Variants in HECA observed in about 807,000 individuals in gnomAD.
HECA encodes the protein HECA ribonucleoprotein granule regulator.
Under a neutral mutation model 37.6 loss-of-function variants are expected in HECA, and 13 were observed. That is an observed-to-expected ratio of 0.35 (90% confidence interval 0.23 to 0.55). HECA has a LOEUF of 0.55. Among genes scored for constraint, HECA ranks in the 20% least tolerant of loss-of-function variants. The probability of loss-of-function intolerance (pLI) is 0.90; values close to 1 mark genes in which losing one functional copy is unlikely to be tolerated. For synonymous variants in HECA, 307 were observed against 291.5 expected, an observed-to-expected ratio of 1.05 and a Z score of -0.54; for missense variants, 527 against 701.9, an observed-to-expected ratio of 0.75 and a Z score of 2.82.
chr6:139,140,998 G>A (rs1022704631), intron 1 of HECA, among the ~76,000 whole-genome samples: 24 of 152,180 alleles, frequency 1.6e-4, no homozygotes, highest in Admixed American at 1.6e-3. Flanking sequence ...CTCCGTGTTA[G>A]CCAGGATGGT....
chr6:139,158,277 C>A (rs1774745301), intron 1 of HECA, among the ~76,000 whole-genome samples: 1 of 151,828 alleles, frequency 6.6e-6, no homozygotes, highest in African/African-American at 2.4e-5. Context: ...CCGAGGCGGG[C>A]AGATCACGAG....
chr6:139,137,912 G>A (rs1562241551), intron 1 of HECA, among the ~76,000 whole-genome samples: 1 of 152,068 alleles, frequency 6.6e-6, no homozygotes, highest in Non-Finnish European at 1.5e-5. Context: ...AAAGGAATGG[G>A]CCAACATTCC....
intron 1 of HECA, among the ~76,000 whole-genome samples, chr6:139,141,687 T>C (rs1018591953): frequency 6.6e-6 from 1 of 152,036 alleles, no homozygotes; most frequent in Non-Finnish European, 1.5e-5. Flanking sequence ...GATGAACTTG[T>C]TCCTTCAAGC....
intron 1 of HECA, among the ~76,000 whole-genome samples, chr6:139,140,992 G>A (rs1014373847): frequency 1.2e-4 from 19 of 152,232 alleles, no homozygotes; most frequent in African/African-American, 4.6e-4. Flanking sequence ...GGGTTTCTCC[G>A]TGTTAGCCAG....
rs116523936 is a variant in HECA at position 139,140,493 on chromosome 6, T to C, written c.271+4826T>C. 5.4e-3 allele frequency among the ~76,000 whole-genome samples: 820 copies of C among 152,338 alleles called. 10 individuals carry two copies. Among genetic ancestry groups the C allele is most frequent in the African/African-American group, 0.019 (794 of 41,586 alleles). ...GAAGAGCTCTTCTGTGCGCCGTTCA[T>C]GGTGCTCTATGCGCAGTCTCGTCTT... is the stretch of plus-strand genomic sequence containing the variant. On this transcript the variant is annotated intron_variant, in intron 1 of 3. Coordinates refer to ENST00000367658, the MANE Select transcript of HECA (RefSeq NM_016217.3).
intron 1 of HECA, among the ~76,000 whole-genome samples, chr6:139,160,889 A>T (rs1774790311): frequency 6.6e-6 from 1 of 152,236 alleles, no homozygotes; most frequent in African/African-American, 2.4e-5. Context: ...TTTCATGTAC[A>T]TGAGCTGAAT....
intron 1 of HECA, among the ~76,000 whole-genome samples, chr6:139,159,684 T>C (rs1052154215): frequency 6.6e-6 from 1 of 152,192 alleles, no homozygotes; most frequent in African/African-American, 2.4e-5. Flanking sequence ...GGACTGAGTC[T>C]GGTTGGGTCA....
chr6:139,136,105 G>A (rs1039882242), intron 1 of HECA, among the ~76,000 whole-genome samples: 1 of 152,058 alleles, frequency 6.6e-6, no homozygotes, highest in Admixed American at 6.5e-5. Flanking sequence ...CGGAATGAAG[G>A]AGAGAGAGCC....
chr6:139,143,350 A>G (rs1211162784), intron 1 of HECA, among the ~76,000 whole-genome samples: 2 of 152,238 alleles, frequency 1.3e-5, no homozygotes, highest in African/African-American at 2.4e-5. Flanking sequence ...TTGTTAAGCC[A>G]TTGTGATGTT....
intron 1 of HECA, chr6:139,153,107 C>G (rs1279464789): frequency 6.6e-6 from 1 of 152,136 alleles, no homozygotes; most frequent in Non-Finnish European, 1.5e-5. Context: ...TGAACATGAC[C>G]CAAGAACTTG....
At chr6:139,141,209 T>G (rs926960268) in intron 1 of HECA, among the ~76,000 whole-genome samples, 18 of 152,224 alleles carry the variant, frequency 1.2e-4, no homozygotes, top group African/African-American at 4.3e-4. Context: ...GTTAAACACA[T>G]AATTCCACCA....
chr6:139,161,229 C>T (rs1774797577), intron 1 of HECA, among the ~76,000 whole-genome samples: 1 of 152,144 alleles, frequency 6.6e-6, no homozygotes, highest in Non-Finnish European at 1.5e-5. Flanking sequence ...CTGGGAGCCT[C>T]ACCCTGCTGG....
chr6:139,147,870 T>A (rs1044199607), intron 1 of HECA, among the ~76,000 whole-genome samples: 14 of 152,184 alleles, frequency 9.2e-5, no homozygotes, highest in African/African-American at 3.1e-4. Flanking sequence ...GTAGGATCAC[T>A]GGTTTGATAC....
At chr6:139,145,230 ACTTG>A (rs1343310600) in intron 1 of HECA, among the ~76,000 whole-genome samples, 2 of 152,226 alleles carry the variant, frequency 1.3e-5, no homozygotes, top group African/African-American at 4.8e-5. Context: ...CGAAATAGCA[ACTTG>A]CTTTATTTAA....
intron 1 of HECA, among the ~76,000 whole-genome samples, chr6:139,143,740 A>G (rs1267342295): frequency 6.6e-6 from 1 of 152,094 alleles, no homozygotes; most frequent in Non-Finnish European, 1.5e-5. Flanking sequence ...ACGTGCCTGT[A>G]ATCCCAGCTA....
intron 2 of HECA, among the ~76,000 whole-genome samples, chr6:139,167,610 G>A (rs912075551): frequency 1.3e-5 from 2 of 152,176 alleles, no homozygotes; most frequent in African/African-American, 4.8e-5. Flanking sequence ...GGAAATTAGT[G>A]GAGTTGTTGC....
rs1020782797 is a variant in HECA at position 139,135,561 on chromosome 6, GGGCGCGCCGGGCGCCGGA to G, written c.172_189del (p.Pro58_Ala63del). 3.7e-5 allele frequency: 36 copies of G among 972,500 alleles called. No individual in the cohort carries two copies. The highest frequency in any genetic ancestry group is 9.5e-5 in the South Asian group (2 of 21,118). The allele number at this position is 972,500 out of a possible 1,614,324, so 60.2% of individuals were successfully genotyped here. A position where few individuals can be genotyped will look rare whatever the true frequency, so the allele number is the denominator to read the frequency against. On this transcript the variant is annotated inframe_deletion, in exon 1 of 4. Coordinates refer to ENST00000367658, the MANE Select transcript of HECA (RefSeq NM_016217.3). ...CGGCCGGTTGCGGGGCGGCGGCGGC[GGGCGCGCCGGGCGCCGGA>G]GGCGCGGCGGGCGCCGGAGGCGCGG...
At position 139,178,587 on chromosome 6, in the gene HECA, T is replaced by G. The variant is rs543078489; in HGVS notation, c.*1482T>G. The G allele has an allele frequency of 1.1e-5, 1 of 92,066 alleles. No homozygotes were observed. Among genetic ancestry groups the G allele is most frequent in the East Asian group, 2.0e-4 (1 of 4,976 alleles). 5.7% of individuals were successfully genotyped at this position (92,066 alleles called of 1,614,324 possible). ...GTGAGTTTCAGTTCTTTTTTTCTTT[T>G]TTTTGAGATGGAGTCTCACTCTTGT... On this transcript the variant is annotated 3_prime_UTR_variant, in exon 4 of 4. Transcript: ENST00000367658.
intron 1 of HECA, among the ~76,000 whole-genome samples, chr6:139,136,679 G>A (rs1358279092): frequency 6.6e-6 from 1 of 150,940 alleles, no homozygotes; most frequent in African/African-American, 2.4e-5. Context: ...ATTTCGCCCA[G>A]GCTGGAGCGT....
Sources: allele counts gnomAD v4.1 joint callset (sites outside exome capture counted in the v4.1 genomes callset), GRCh38; gene constraint gnomAD v4.1.1; transcripts MANE v1.5; gene names NCBI Gene and HGNC (gene_info 2026-07-23, HGNC 2026-07-21).